BCL7B: variants seen among roughly 807,000 people sequenced by gnomAD.
BCL7B encodes the protein BAF chromatin remodeling complex subunit BCL7B, also known as B-cell CLL/lymphoma 7 protein family member B.
In BCL7B, 11 loss-of-function variants were observed where a neutral mutation model predicts 26.5. The ratio of observed to expected loss-of-function variants is 0.42; its 90% confidence interval spans 0.26 to 0.69. The LOEUF is 0.69. Among genes scored for constraint, BCL7B ranks in the 30% least tolerant of loss-of-function variants. BCL7B has a pLI of 0.28. For missense variants in BCL7B, 215 were observed against 264.4 expected (o/e 0.81, Z 1.30); for synonymous variants, 111 against 107.9 (o/e 1.03, Z -0.18).
intron 1 of BCL7B, among the ~76,000 whole-genome samples, chr7:73,553,970 C>CTT (rs34326622): frequency 3.9e-5 from 5 of 127,848 alleles, no homozygotes; most frequent in East Asian, 2.2e-4. Flanking sequence ...ACAAAGGAGA[C>CTT]TTTTTTTTTT....
At chr7:73,539,852 GA>G (rs782457788) in intron 4 of BCL7B, 29 bp downstream of exon 4, 1 of 1,604,502 alleles carries the variant, frequency 6.2e-7, no homozygotes, top group South Asian at 1.1e-5. Flanking sequence ...GCCCTTCTAG[GA>G]AACTCATCCT....
At chr7:73,557,266 G>A in intron 1 of BCL7B, 2 of 1,124,810 alleles carry the variant, frequency 1.8e-6, no homozygotes, top group Non-Finnish European at 1.1e-6. Flanking sequence ...GGCAGCAGCC[G>A]CAGCAGGTGG....
In BCL7B at chr7:73,549,289, C is replaced by T. The variant is rs145723295; in HGVS notation, c.168+2878G>A. Reference sequence around the variant, plus strand: ...GAGCAATGGAAAGGAATGGGTAACTCCAAGGACAACATGGATGCATTTTAC... The same window carrying T: ...GAGCAATGGAAAGGAATGGGTAACTTCAAGGACAACATGGATGCATTTTAC... On this transcript the variant is annotated intron_variant, in intron 2 of 5. Transcript: ENST00000223368. Among the ~76,000 whole-genome samples the T allele has an allele frequency of 5.4e-3, 823 of 152,292 alleles. 4 individuals carry two copies. The highest frequency in any genetic ancestry group is 0.018 in the African/African-American group (746 of 41,562).
chr7:73,552,287 G>T, intron 1 of BCL7B, 45 bp from the exon 2 acceptor site: 2 of 1,484,494 alleles, frequency 1.3e-6, no homozygotes, highest in Non-Finnish European at 1.9e-6. Context: ...AATGCAATGT[G>T]TTTTCTGTTC....
intron 1 of BCL7B, among the ~76,000 whole-genome samples, chr7:73,554,796 C>CAAAAAAAA (rs550024405): frequency 1.6e-5 from 1 of 60,798 alleles, no homozygotes. Flanking sequence ...GACTGGGTCT[C>CAAAAAAAA]AAAAAAAAAA....
At chr7:73,543,953 C>T (rs1311980318) in intron 2 of BCL7B, 1 of 212,792 alleles carries the variant, frequency 4.7e-6, no homozygotes, top group Non-Finnish European at 9.5e-6. Flanking sequence ...CCAGGCAACC[C>T]TTCTCTATAC....
chr7:73,545,908 G>A (rs1376758317), intron 2 of BCL7B, among the ~76,000 whole-genome samples: 6 of 151,984 alleles, frequency 3.9e-5, no homozygotes, highest in South Asian at 2.1e-4. Flanking sequence ...GAGGTGGGCC[G>A]ATCACGAGGT....
At chr7:73,544,745 G>A (rs1791894441) in intron 2 of BCL7B, among the ~76,000 whole-genome samples, 1 of 152,124 alleles carries the variant, frequency 6.6e-6, no homozygotes, top group Non-Finnish European at 1.5e-5. Context: ...CAGTGGGCAG[G>A]TAAGCACCAG....
intron 2 of BCL7B, among the ~76,000 whole-genome samples, chr7:73,550,767 C>G (rs1441148264): frequency 2.0e-5 from 3 of 151,720 alleles, no homozygotes; most frequent in African/African-American, 4.8e-5. Flanking sequence ...ACACCATTCT[C>G]CTGCCTCAGC....
chr7:73,537,845 C>T (rs1477117836), intron 5 of BCL7B, 89 bp downstream of exon 5: 2 of 884,696 alleles, frequency 2.3e-6, no homozygotes, highest in East Asian at 2.7e-5. Context: ...GAGCCAGGAT[C>T]GCACCACTGC....
Position 73,537,105 on chromosome 7 carries a change from C to G in BCL7B, c.*193G>C, listed in dbSNP as rs1791560983. ...ACATGAGCGCTCCTCTTCTCGGGAG[C>G]AAGTAGACACAGGTGCCAGGGTCAG... On this transcript the variant is annotated 3_prime_UTR_variant, in exon 6 of 6. Coordinates refer to ENST00000223368, the MANE Select transcript of BCL7B (RefSeq NM_001707.4). The G allele has an allele frequency of 4.0e-6, 2 of 504,776 alleles. No homozygotes were observed. Among genetic ancestry groups the G allele is most frequent in the South Asian group, 6.3e-5 (2 of 31,868 alleles). The allele number at this position is 504,776 out of a possible 1,614,324, so 31.3% of individuals were successfully genotyped here. A position where few individuals can be genotyped will look rare whatever the true frequency, so the allele number is the denominator to read the frequency against.
chr7:73,543,743 G>T, intron 2 of BCL7B, 99 bp from the exon 3 acceptor site: 2 of 906,198 alleles, frequency 2.2e-6, no homozygotes, highest in Non-Finnish European at 1.7e-6. Flanking sequence ...TCTGGATTAG[G>T]ACTGAACAGG....
intron 1 of BCL7B, among the ~76,000 whole-genome samples, chr7:73,556,698 T>C (rs1554584753): frequency 6.6e-6 from 1 of 152,176 alleles, no homozygotes; most frequent in Non-Finnish European, 1.5e-5. Flanking sequence ...CATAGCTCAC[T>C]GCAGCCTCCA....
chr7:73,545,464 C>A (rs1215641933), intron 2 of BCL7B, among the ~76,000 whole-genome samples: 8 of 152,096 alleles, frequency 5.3e-5, no homozygotes, highest in Non-Finnish European at 7.4e-5. Flanking sequence ...GGTCTCAATC[C>A]GCCCGCCTCA....
chr7:73,557,501 C>T lies in BCL7B; in HGVS notation c.78G>A (p.Glu26=), dbSNP rs370820221. Residue 26 remains glutamate (E), a synonymous_variant, in exon 1 of 6, where the codon GAG becomes GAA. Coordinates refer to ENST00000223368, the MANE Select transcript of BCL7B (RefSeq NM_001707.4). ...CGGCCCCTCACCATTTCCGCACTTT[C>T]TCGATGGCCGCCATCACCTTCTTGA... ...DDIKKVMAAI[E]KVRKWEKKWV... 8 of 1,444,674 alleles carry T rather than the reference C, an allele frequency of 5.5e-6. No homozygotes were observed. Among genetic ancestry groups the T allele is most frequent in the Non-Finnish European group, 5.5e-6 (6 of 1,087,916 alleles). 89.5% of individuals were successfully genotyped at this position (1,444,674 alleles called of 1,614,324 possible).
intron 2 of BCL7B, among the ~76,000 whole-genome samples, chr7:73,546,406 T>C (rs1791959280): frequency 6.6e-6 from 1 of 152,182 alleles, no homozygotes; most frequent in Admixed American, 6.6e-5. Context: ...ACTCACAGCC[T>C]GTAATCACAG....
chr7:73,538,239 C>T (rs1474267533), intron 4 of BCL7B: 3 of 373,162 alleles, frequency 8.0e-6, no homozygotes, highest in African/African-American at 2.1e-5. Flanking sequence ...CTGGAGATAT[C>T]TGGAACCGAC....
intron 3 of BCL7B, among the ~76,000 whole-genome samples, chr7:73,541,992 C>T (rs1554582930): frequency 6.6e-6 from 1 of 152,212 alleles, no homozygotes; most frequent in Non-Finnish European, 1.5e-5. Flanking sequence ...CCCAACACAG[C>T]CCCGACATCA....
chr7:73,537,868 G>A, intron 5 of BCL7B, 66 bp downstream of exon 5: 4 of 1,219,490 alleles, frequency 3.3e-6, no homozygotes, highest in Non-Finnish European at 3.5e-6. Flanking sequence ...TCTAGTCTGG[G>A]CAACAGCGAG....
Sources: gnomAD v4.1 joint callset for allele counts (sites outside exome capture counted in the v4.1 genomes callset) on GRCh38, gnomAD v4.1.1 for gene constraint, MANE v1.5 for transcripts, NCBI Gene and HGNC (gene_info 2026-07-23, HGNC 2026-07-21) for gene names.